Variants in XIRP2 observed in about 807,000 individuals in gnomAD.
XIRP2 encodes xin actin-binding repeat-containing protein 2.
XIRP2 carries 236 observed loss-of-function variants against 277.0 expected under a neutral mutation model. The ratio of observed to expected loss-of-function variants is 0.85; its 90% CI spans 0.77 to 0.95. The LOEUF is 0.95. XIRP2 is among the 40% of genes least tolerant of loss of function. The pLI is 0.00. For missense variants in XIRP2, 4,640 were observed against 4,157.5 expected (o/e 1.12, Z -3.19); for synonymous variants, 1,490 against 1,416.5 (o/e 1.05, Z -1.17).
rs1695037194 is a variant in XIRP2 at position 167,240,655 on chromosome 2, T to C, written c.970-9T>C. 20 of 1,612,208 alleles carry C rather than the reference T, an allele frequency of 1.2e-5. No homozygotes were observed. Among genetic ancestry groups the C allele is most frequent in the Non-Finnish European group, 1.6e-5 (19 of 1,178,516 alleles). ...AAACAATTTATTTTCAAATTCTCTTTAAATACAGGTCTCTCATCTTGAAAA... is the reference window on the plus strand; with the variant it reads ...AAACAATTTATTTTCAAATTCTCTTCAAATACAGGTCTCTCATCTTGAAAA... On this transcript the variant is annotated splice_polypyrimidine_tract_variant and intron_variant, in intron 6 of 10. Transcript: ENST00000409195.
rs910116953 is a variant in XIRP2, at chr2:167,187,518, A to G, written c.563-23217A>G. 8.1e-6 allele frequency: 8 copies of G among 985,126 alleles called. No homozygotes were observed. The South Asian group carries it at 3.3e-4, about 40-fold the overall frequency. The allele number at this position is 985,126 out of a possible 1,614,324, so 61.0% of individuals were successfully genotyped here. A position where few individuals can be genotyped will look rare whatever the true frequency, so the allele number is the denominator to read the frequency against. ...TTTCCACAAACTTGGGGTTAAACCT[A>G]AATATCATAAAAGGTAAGTGTAATA... is the stretch of plus-strand genomic sequence containing the variant. On this transcript the variant is annotated intron_variant, in intron 3 of 10. Coordinates refer to ENST00000409195, the MANE Select transcript of XIRP2 (RefSeq NM_152381.6).
At chr2:167,204,442 G>T (rs1410597833) in intron 3 of XIRP2, among the ~76,000 whole-genome samples, 1 of 152,134 alleles carries the variant, frequency 6.6e-6, no homozygotes, top group African/African-American at 2.4e-5. Context: ...CATCAGAATT[G>T]GAGTTGTCAC....
intron 2 of XIRP2, among the ~76,000 whole-genome samples, chr2:167,023,174 G>T (rs1688035692): frequency 6.6e-6 from 1 of 152,178 alleles, no homozygotes; most frequent in African/African-American, 2.4e-5. Context: ...GTATCTCATT[G>T]TGGTTTTCAT....
At chr2:166,946,267 A>T (rs1260848582) in intron 2 of XIRP2, among the ~76,000 whole-genome samples, 1 of 152,164 alleles carries the variant, frequency 6.6e-6, no homozygotes, top group East Asian at 1.9e-4. Context: ...AGTAAAACCT[A>T]ATGTTGAAAA....
intron 2 of XIRP2, among the ~76,000 whole-genome samples, chr2:167,090,883 A>T (rs537547219): frequency 6.6e-6 from 1 of 152,082 alleles, no homozygotes; most frequent in Non-Finnish European, 1.5e-5. Flanking sequence ...ACCATCCACT[A>T]GGCCCCACCT....
chr2:167,040,204 G>A (rs1307321132), intron 2 of XIRP2, among the ~76,000 whole-genome samples: 6 of 151,606 alleles, frequency 4.0e-5, no homozygotes, highest in Non-Finnish European at 1.5e-5. Context: ...CAGCCAGGAA[G>A]AGCTTCCCCC....
At chr2:167,120,351 A>G (rs1391410083) in intron 2 of XIRP2, among the ~76,000 whole-genome samples, 1 of 152,196 alleles carries the variant, frequency 6.6e-6, no homozygotes, top group Non-Finnish European at 1.5e-5. Flanking sequence ...ACTGAGTGTT[A>G]TATCATCTAG....
At chr2:166,927,885 T>C (rs542705531) in intron 2 of XIRP2, among the ~76,000 whole-genome samples, 1 of 152,242 alleles carries the variant, frequency 6.6e-6, no homozygotes, top group East Asian at 1.9e-4. Flanking sequence ...TTTTTTCCCA[T>C]ATGTTATCTT....
chr2:167,054,201 C>T (rs567929594), intron 2 of XIRP2, among the ~76,000 whole-genome samples: 8 of 152,286 alleles, frequency 5.3e-5, no homozygotes, highest in Non-Finnish European at 1.2e-4. Context: ...GGAAAATGCA[C>T]ATTGAACTAT....
chr2:167,250,873 CA>C lies in XIRP2; in HGVS notation c.9486del (p.Lys3162AsnfsTer47). 1 of 1,613,014 alleles carries C rather than the reference CA, an allele frequency of 6.2e-7. No homozygotes were observed. The highest frequency in any genetic ancestry group is 8.5e-7 in the Non-Finnish European group (1 of 1,179,574). ...VEPPPRRPMS[Q>X]KSEIHRANTS... The stretch of plus-strand genomic sequence containing the variant: ...ACCCCCACCAAGAAGGCCCATGTCG[CA>C]AAAATCTGAAATTCACAGAGCAAAC... On this transcript the variant is annotated frameshift_variant, in exon 9 of 11. Transcript: ENST00000409195. LOFTEE classifies it high-confidence loss of function.
chr2:167,071,577 A>T (rs146132696), intron 2 of XIRP2, among the ~76,000 whole-genome samples: 80 of 152,282 alleles, frequency 5.3e-4, no homozygotes, highest in South Asian at 8.3e-4. Context: ...ACGTAAAGGC[A>T]ATTCAGAACA....
chr2:167,197,474 T>C (rs1693552210), intron 3 of XIRP2, among the ~76,000 whole-genome samples: 1 of 152,046 alleles, frequency 6.6e-6, no homozygotes, highest in Admixed American at 6.6e-5. Flanking sequence ...TATTTTAATC[T>C]CAACTATCAG....
At chr2:166,908,183 T>C (rs917314072) in intron 2 of XIRP2, among the ~76,000 whole-genome samples, 4 of 152,202 alleles carry the variant, frequency 2.6e-5, no homozygotes, top group African/African-American at 9.6e-5. Flanking sequence ...CCTTGAGGAA[T>C]TGCCATACTG....
chr2:167,058,844 T>C (rs1689101982), intron 2 of XIRP2, among the ~76,000 whole-genome samples: 1 of 152,168 alleles, frequency 6.6e-6, no homozygotes, highest in African/African-American at 2.4e-5. Flanking sequence ...GTGGGAATTT[T>C]AAAAATAGGG....
At chr2:166,919,223 C>T (rs990360004) in intron 2 of XIRP2, among the ~76,000 whole-genome samples, 11 of 152,106 alleles carry the variant, frequency 7.2e-5, no homozygotes, top group South Asian at 4.1e-4. Flanking sequence ...CATTTTCCTA[C>T]GTGGAAAGAT....
chr2:167,054,069 G>C (rs558046392), intron 2 of XIRP2, among the ~76,000 whole-genome samples: 96 of 152,246 alleles, frequency 6.3e-4, no homozygotes, highest in South Asian at 5.2e-3. Flanking sequence ...AAAGTTGAGA[G>C]AGTAAAATTC....
At chr2:166,972,143 ACT>A (rs1686594315) in intron 2 of XIRP2, among the ~76,000 whole-genome samples, 2 of 152,000 alleles carry the variant, frequency 1.3e-5, no homozygotes, top group South Asian at 2.1e-4. Context: ...GAGCCCTCTC[ACT>A]CTCTGCATGT....
At chr2:167,063,544 A>G (rs60752110) in intron 2 of XIRP2, among the ~76,000 whole-genome samples, 9,931 of 151,882 alleles carry the variant, frequency 0.065, 587 homozygotes, top group African/African-American at 0.16. Flanking sequence ...TTTGCATGGG[A>G]TGTAATTTGC....
chr2:167,085,591 G>T (rs1240736460), intron 2 of XIRP2, among the ~76,000 whole-genome samples: 1 of 152,034 alleles, frequency 6.6e-6, no homozygotes, highest in African/African-American at 2.4e-5. Context: ...TCTCTTTGTA[G>T]GTCACTCAGG....
Sources: gnomAD v4.1 joint callset for allele counts (sites outside exome capture counted in the v4.1 genomes callset) on GRCh38, gnomAD v4.1.1 for gene constraint, MANE v1.5 for transcripts, NCBI Gene and HGNC (gene_info 2026-07-23, HGNC 2026-07-21) for gene names.